RAP2A: variants seen among roughly 807,000 people sequenced by gnomAD.
RAP2A encodes the protein ras-related protein Rap-2a.
In RAP2A, 5 loss-of-function variants were observed where a neutral mutation model predicts 15.1. That is an observed-to-expected ratio of 0.33 (90% CI 0.17 to 0.70). The LOEUF is 0.70. Among genes scored for constraint, RAP2A ranks in the 30% least tolerant of loss-of-function variants. RAP2A has a pLI of 0.68. For synonymous variants in RAP2A, 110 were observed against 99.7 expected (o/e 1.10, Z -0.62); for missense variants, 111 against 240.3 (o/e 0.46, Z 3.56).
In RAP2A at chr13:97,464,553, C is replaced by A; in HGVS notation, c.*111C>A. 2 of 978,184 alleles carry A rather than the reference C, an allele frequency of 2.0e-6. No homozygotes were observed. The highest frequency in any genetic ancestry group is 1.5e-5 in the South Asian group (1 of 67,712). 60.6% of individuals were successfully genotyped at this position (978,184 alleles called of 1,614,324 possible). A position where few individuals can be genotyped will look rare whatever the true frequency, so the allele number is the denominator to read the frequency against. On this transcript the variant is annotated 3_prime_UTR_variant, in exon 2 of 2. Transcript: ENST00000245304. ...ATGCGTGGTGTTAATCTACAGAGAA[C>A]TGCAGCCCTTATTCAGAATTGAGCA...
chr13:97,440,517 G>A (rs1248227884), intron 1 of RAP2A, among the ~76,000 whole-genome samples: 2 of 152,180 alleles, frequency 1.3e-5, no homozygotes, highest in African/African-American at 2.4e-5. Flanking sequence ...CAGGATGAGA[G>A]GAGGGAAATA....
At chr13:97,444,732 A>C (rs1253223951) in intron 1 of RAP2A, among the ~76,000 whole-genome samples, 1 of 152,222 alleles carries the variant, frequency 6.6e-6, no homozygotes, top group Non-Finnish European at 1.5e-5. Flanking sequence ...TTTTTGCACC[A>C]AAAACATTGC....
chr13:97,468,156 G>C lies in RAP2A; in HGVS notation c.*3714G>C, dbSNP rs982851505. Reference sequence around the variant, plus strand: ...GGCAGGTAGGTAGATAATTTTCATAGTCTTTAAAAATAAAAATAACATGTA... The same window carrying C: ...GGCAGGTAGGTAGATAATTTTCATACTCTTTAAAAATAAAAATAACATGTA... On this transcript the variant is annotated 3_prime_UTR_variant, in exon 2 of 2. Transcript: ENST00000245304. 2.6e-5 allele frequency: 4 copies of C among 152,114 alleles called. No individual in the cohort carries two copies. Among genetic ancestry groups the C allele is most frequent in the Admixed American group, 2.0e-4 (3 of 15,272 alleles). The allele number at this position is 152,114 out of a possible 1,614,324, so 9.4% of individuals were successfully genotyped here. A position where few individuals can be genotyped will look rare whatever the true frequency, so the allele number is the denominator to read the frequency against.
chr13:97,452,360 C>G lies in RAP2A; in HGVS notation c.315-11845C>G, dbSNP rs911939042. Among the ~76,000 whole-genome samples, 3 of 150,938 alleles carry G rather than the reference C, an allele frequency of 2.0e-5. No homozygotes were observed. The East Asian group carries it at 5.8e-4, about 29-fold the overall frequency. ...TTTTGCATATGGCTATTCAGTTGAC[C>G]CAACATCATTTATATAAAGGACCAT... On this transcript the variant is annotated intron_variant, in intron 1 of 1. Transcript: ENST00000245304.
chr13:97,440,087 G>A (rs1236852547), intron 1 of RAP2A, among the ~76,000 whole-genome samples: 1 of 152,080 alleles, frequency 6.6e-6, no homozygotes, highest in African/African-American at 2.4e-5. Flanking sequence ...GCCGAAACGA[G>A]AGTATACATC....
chr13:97,440,383 G>T (rs1313994319), intron 1 of RAP2A, among the ~76,000 whole-genome samples: 1 of 151,926 alleles, frequency 6.6e-6, no homozygotes, highest in Non-Finnish European at 1.5e-5. Context: ...AAGGACTGAT[G>T]GTGAAACCTC....
chr13:97,441,911 G>A, intron 1 of RAP2A: 1 of 248,042 alleles, frequency 4.0e-6, no homozygotes, highest in Non-Finnish European at 8.1e-6. Context: ...TGTTTATGTA[G>A]GAAATTTATC....
At chr13:97,459,228 A>G (rs911894632) in intron 1 of RAP2A, among the ~76,000 whole-genome samples, 21 of 151,920 alleles carry the variant, frequency 1.4e-4, no homozygotes, top group Non-Finnish European at 3.1e-4. Flanking sequence ...AGAATTTTGC[A>G]TCTTTAGCTT....
chr13:97,461,577 CT>C (rs2066746005), intron 1 of RAP2A, among the ~76,000 whole-genome samples: 1 of 152,128 alleles, frequency 6.6e-6, no homozygotes, highest in African/African-American at 2.4e-5. Flanking sequence ...ATCAATACAA[CT>C]TAATAATTTG....
chr13:97,455,667 G>A (rs1171171849), intron 1 of RAP2A, among the ~76,000 whole-genome samples: 1 of 150,082 alleles, frequency 6.7e-6, no homozygotes, highest in East Asian at 1.9e-4. Flanking sequence ...CTGAGACATA[G>A]GAGTGGTTTA....
At chr13:97,446,356 C>T (rs1011007832) in intron 1 of RAP2A, among the ~76,000 whole-genome samples, 20 of 152,192 alleles carry the variant, frequency 1.3e-4, no homozygotes, top group African/African-American at 4.6e-4. Flanking sequence ...TTTCTTTGAC[C>T]TGGCCAGCTT....
chr13:97,441,752 C>A (rs9582132), intron 1 of RAP2A: 12 of 448,294 alleles, frequency 2.7e-5, no homozygotes, highest in Non-Finnish European at 5.4e-5. Context: ...TTTTTTTACA[C>A]ACTTATATTT....
At position 97,434,440 on chromosome 13, in the gene RAP2A, C is replaced by T; in HGVS notation, c.-31C>T. 1.4e-6 allele frequency: 2 copies of T among 1,393,530 alleles called. No individual in the cohort carries two copies. The allele number at this position is 1,393,530 out of a possible 1,614,324, so 86.3% of individuals were successfully genotyped here. On this transcript the variant is annotated 5_prime_UTR_variant, in exon 1 of 2. Coordinates refer to ENST00000245304, the MANE Select transcript of RAP2A (RefSeq NM_021033.7). ...GGCCGGCGTAGGTCTATGTCGCGGG[C>T]GGCGGCGGCGGCGGCGGCCGCGGAG... is the stretch of plus-strand genomic sequence containing the variant.
chr13:97,445,168 T>G (rs1017523459), intron 1 of RAP2A, among the ~76,000 whole-genome samples: 3 of 152,208 alleles, frequency 2.0e-5, no homozygotes, highest in Non-Finnish European at 4.4e-5. Flanking sequence ...CATATGAATT[T>G]TAGGGAGACA....
At chr13:97,440,728 CA>C (rs2066653988) in intron 1 of RAP2A, among the ~76,000 whole-genome samples, 1 of 152,134 alleles carries the variant, frequency 6.6e-6, no homozygotes, top group Non-Finnish European at 1.5e-5. Flanking sequence ...GATAAGCATA[CA>C]CTTGTGAAAT....
intron 1 of RAP2A, chr13:97,441,696 G>A: frequency 2.4e-6 from 1 of 415,956 alleles, no homozygotes. Flanking sequence ...CTTCTGTTTT[G>A]ATTTTTCCCT....
Position 97,466,831 on chromosome 13 carries a change from T to G in RAP2A, c.*2389T>G, listed in dbSNP as rs2066773725. The G allele has an allele frequency of 6.6e-6, 1 of 152,204 alleles. No individual in the cohort carries two copies. The highest frequency in any genetic ancestry group is 6.5e-5 in the Admixed American group (1 of 15,268). 9.4% of individuals were successfully genotyped at this position (152,204 alleles called of 1,614,324 possible). ...AGTGTTTCCACGCAGCCCTGCATAT[T>G]TAGTGACCAAGGCATCAAGGACATC... On this transcript the variant is annotated 3_prime_UTR_variant, in exon 2 of 2. Transcript: ENST00000245304.
At chr13:97,440,318 G>C (rs2153179129) in intron 1 of RAP2A, among the ~76,000 whole-genome samples, 1 of 151,994 alleles carries the variant, frequency 6.6e-6, no homozygotes, top group Non-Finnish European at 1.5e-5. Flanking sequence ...AAGAATTGAT[G>C]ACTAAATCCT....
intron 1 of RAP2A, among the ~76,000 whole-genome samples, chr13:97,460,734 C>G (rs919632551): frequency 1.3e-5 from 2 of 152,156 alleles, no homozygotes; most frequent in South Asian, 2.1e-4. Context: ...GCCTTTCCCA[C>G]AGGGGCCAGT....
Sources: gnomAD v4.1 joint callset for allele counts (sites outside exome capture counted in the v4.1 genomes callset) on GRCh38, gnomAD v4.1.1 for gene constraint, MANE v1.5 for transcripts, NCBI Gene and HGNC (gene_info 2026-07-23, HGNC 2026-07-21) for gene names.